The following KIF26B variants were observed in gnomAD, a reference collection of about 807,000 sequenced individuals.
KIF26B encodes kinesin-like protein KIF26B.
KIF26B carries 63 observed loss-of-function variants against 151.2 expected under a neutral mutation model. The ratio of observed to expected loss-of-function variants is 0.42; its 90% CI spans 0.34 to 0.51. The LOEUF is 0.51. KIF26B is among the 20% of genes least tolerant of loss of function. The pLI, the probability that KIF26B is intolerant of heterozygous loss-of-function variation, is 0.07. For missense variants in KIF26B, 2,813 were observed against 2,913.6 expected (o/e 0.97, Z 0.79); for synonymous variants, 1,357 against 1,262.1 (o/e 1.08, Z -1.59).
Position 245,522,111 on chromosome 1 carries a change from T to C in KIF26B, c.1167-18656T>C, listed in dbSNP as rs562129178. 4.3e-3 allele frequency among the ~76,000 whole-genome samples: 660 copies of C among 152,082 alleles called. 5 individuals carry two copies. The highest frequency in any genetic ancestry group is 6.2e-3 in the Non-Finnish European group (419 of 67,922). On this transcript the variant is annotated intron_variant, in intron 4 of 14. Transcript: ENST00000407071. ...GTCTCGATCTCCTGACCTCATGATC[T>C]GCCCGCCTTGGCCTCCCAAAGTGCT...
At chr1:245,446,846 C>T (rs766010162) in intron 4 of KIF26B, among the ~76,000 whole-genome samples, 8 of 152,136 alleles carry the variant, frequency 5.3e-5, no homozygotes, top group Non-Finnish European at 1.0e-4. Context: ...AGAAGCAAAT[C>T]GTTACTGTGA....
rs534482879 is a variant in KIF26B at position 245,310,801 on chromosome 1, T to C, written c.466-56033T>C. ...TGCCTGCAGAAGCGGCTGTGATGTG[T>C]GGGAAGCCCCGCTGGGCCGGCACTG... On this transcript the variant is annotated intron_variant, in intron 2 of 14. Coordinates refer to ENST00000407071, the MANE Select transcript of KIF26B (RefSeq NM_018012.4). Among the ~76,000 whole-genome samples, 30 of 152,236 alleles carry C rather than the reference T, an allele frequency of 2.0e-4. 1 individual carries two copies. In the South Asian group the frequency reaches 6.2e-3, roughly 32 times the overall value.
rs1208023255 is a variant in KIF26B at position 245,167,657 on chromosome 1, C to T, written c.465+10974C>T. On this transcript the variant is annotated intron_variant, in intron 2 of 14. Coordinates refer to ENST00000407071, the MANE Select transcript of KIF26B (RefSeq NM_018012.4). This position sits in a 1 kb window ranked among gnomAD's most constrained non-coding sequence, Gnocchi z 4.2. Reference sequence around the variant, plus strand: ...TCAGGCAAACAACTGGAAGCAGCCACCATTGTTTAAAAAAAAAAATCACCT... The same window carrying T: ...TCAGGCAAACAACTGGAAGCAGCCATCATTGTTTAAAAAAAAAAATCACCT... Among the ~76,000 whole-genome samples the T allele has an allele frequency of 6.6e-6, 1 of 151,864 alleles. No homozygotes were observed. The highest frequency in any genetic ancestry group is 1.5e-5 in the Non-Finnish European group (1 of 68,010).
intron 10 of KIF26B, among the ~76,000 whole-genome samples, chr1:245,674,978 G>A (rs1261923150): frequency 1.3e-5 from 2 of 152,176 alleles, no homozygotes; most frequent in African/African-American, 4.8e-5. Context: ...CATGTTTGGA[G>A]GGTTCCCAAA....
intron 4 of KIF26B, among the ~76,000 whole-genome samples, chr1:245,490,951 A>G (rs1558186696): frequency 2.0e-5 from 3 of 152,170 alleles, no homozygotes; most frequent in South Asian, 2.1e-4. Flanking sequence ...GTGCAGGTAA[A>G]TGGTGTTTTG....
intron 2 of KIF26B, among the ~76,000 whole-genome samples, chr1:245,332,201 C>T (rs905887598): frequency 1.3e-5 from 2 of 152,184 alleles, no homozygotes; most frequent in Admixed American, 6.5e-5. Context: ...AACTGGATTA[C>T]GCTGCTGCAG....
chr1:245,192,404 T>C (rs1351427703), intron 2 of KIF26B, among the ~76,000 whole-genome samples: 1 of 152,130 alleles, frequency 6.6e-6, no homozygotes, highest in Non-Finnish European at 1.5e-5. Flanking sequence ...TGATGGCTGC[T>C]GGTCTCCCCT....
Position 245,706,910 on chromosome 1 carries a change from TGTTTC to T in KIF26B, c.*4305_*4309del, listed in dbSNP as rs2044848497. On this transcript the variant is annotated 3_prime_UTR_variant, in exon 15 of 15. Coordinates refer to ENST00000407071, the MANE Select transcript of KIF26B (RefSeq NM_018012.4). ...GGGTCTCAAATTTTGGTGGGGGCAG[TGTTTC>T]TTTGGATTCTGATACCTCTTTTTCC... is the stretch of plus-strand genomic sequence containing the variant. 3.3e-5 allele frequency: 5 copies of T among 152,188 alleles called. No homozygotes were observed. In the South Asian group the frequency reaches 1.0e-3, roughly 32 times the overall value. 9.4% of individuals were successfully genotyped at this position (152,188 alleles called of 1,614,324 possible). A position where few individuals can be genotyped will look rare whatever the true frequency, so the allele number is the denominator to read the frequency against.
In KIF26B at chr1:245,502,343, A is replaced by C. The variant is rs377698454; in HGVS notation, c.1167-38424A>C. On this transcript the variant is annotated intron_variant, in intron 4 of 14. Coordinates refer to ENST00000407071, the MANE Select transcript of KIF26B (RefSeq NM_018012.4). The stretch of plus-strand genomic sequence containing the variant: ...AGAGTTTGAGACCAGCCTAACCAAC[A>C]TGGTGAAACCCTGTCTCTACTAAAA... Among the ~76,000 whole-genome samples the C allele has an allele frequency of 2.3e-4, 35 of 152,116 alleles. 1 individual carries two copies. The highest frequency in any genetic ancestry group is 1.4e-3 in the East Asian group (7 of 5,178).
At chr1:245,658,597 G>A (rs951306862) in intron 10 of KIF26B, among the ~76,000 whole-genome samples, 5 of 152,060 alleles carry the variant, frequency 3.3e-5, no homozygotes, top group African/African-American at 9.7e-5. Context: ...TTACCATGTT[G>A]CCCAGGCTGG....
intron 2 of KIF26B, among the ~76,000 whole-genome samples, chr1:245,320,893 G>A (rs1374538322): frequency 6.6e-6 from 1 of 152,126 alleles, no homozygotes; most frequent in Admixed American, 6.5e-5. Context: ...GGTCAGGCTG[G>A]TCTTGAACTC....
intron 2 of KIF26B, among the ~76,000 whole-genome samples, chr1:245,245,232 ATGCCTAATC>A (rs1488267661): frequency 1.3e-5 from 2 of 152,108 alleles, no homozygotes; most frequent in Admixed American, 6.5e-5. Context: ...TTTGTCCCTG[ATGCCTAATC>A]TGCCTGTTTG....
intron 3 of KIF26B, among the ~76,000 whole-genome samples, chr1:245,400,315 A>T (rs1673964469): frequency 6.6e-6 from 1 of 152,110 alleles, no homozygotes; most frequent in African/African-American, 2.4e-5. Context: ...TATCCTTTTC[A>T]CCTGATTTAC....
At chr1:245,577,775 G>A (rs527971262) in intron 5 of KIF26B, among the ~76,000 whole-genome samples, 2 of 143,638 alleles carry the variant, frequency 1.4e-5, no homozygotes, top group South Asian at 4.5e-4. Context: ...GTGGAGCTCC[G>A]GGCGATGCAT....
chr1:245,473,457 G>A (rs1572079865), intron 4 of KIF26B, among the ~76,000 whole-genome samples: 2 of 152,140 alleles, frequency 1.3e-5, no homozygotes. Context: ...CAAGCTAGGC[G>A]AGTGTGCCCC....
chr1:245,429,412 G>A (rs1293183636), intron 4 of KIF26B, among the ~76,000 whole-genome samples: 3 of 152,090 alleles, frequency 2.0e-5, no homozygotes, highest in Non-Finnish European at 4.4e-5. Context: ...ATGTCTCTGA[G>A]AACAAAAACC....
intron 2 of KIF26B, among the ~76,000 whole-genome samples, chr1:245,157,419 T>C (rs74718396): frequency 0.04 from 6,100 of 152,332 alleles, 163 homozygotes; most frequent in Admixed American, 0.072. Context: ...TATCAGTGGT[T>C]AGAGAGCAAT....
rs2044628379 is a variant in KIF26B, at chr1:245,691,670, G to GT, written c.5824+2863_5824+2864insT. 8.5e-5 allele frequency among the ~76,000 whole-genome samples: 13 copies of GT among 152,342 alleles called. No individual in the cohort carries two copies. The South Asian group carries it at 2.5e-3, about 29-fold the overall frequency. On this transcript the variant is annotated intron_variant, in intron 12 of 14. Transcript: ENST00000407071. ...ATTATGAGAGGTGTTTGGAACCAGA[G>GT]AGGAGACATCTTTTGTCTGAGATGG... is the stretch of plus-strand genomic sequence containing the variant.
chr1:245,213,338 C>T (rs1669580411), intron 2 of KIF26B, among the ~76,000 whole-genome samples: 1 of 152,192 alleles, frequency 6.6e-6, no homozygotes, highest in Non-Finnish European at 1.5e-5. Flanking sequence ...TTCCTGCTGG[C>T]TGGTTAAATA....
Sources: allele counts gnomAD v4.1 joint callset (sites outside exome capture counted in the v4.1 genomes callset), GRCh38; gene constraint gnomAD v4.1.1; non-coding constraint Gnocchi (gnomAD v3.1); transcripts MANE v1.5; gene names NCBI Gene and HGNC (gene_info 2026-07-23, HGNC 2026-07-21).